The following WDR91 variants were observed in gnomAD, a reference collection of about 807,000 sequenced individuals.
WDR91 encodes the protein WD repeat domain 91.
WDR91 carries 52 observed loss-of-function variants against 88.4 expected under a neutral mutation model. That is an observed-to-expected ratio of 0.59 (90% CI 0.47 to 0.74). The LOEUF is 0.74. Ranked by LOEUF, WDR91 falls within the 30% of genes least tolerant of loss-of-function variation. The probability of loss-of-function intolerance (pLI) is 0.00; values close to 1 mark genes in which losing one functional copy is unlikely to be tolerated. For missense variants in WDR91, 824 were observed against 954.5 expected, an observed-to-expected ratio of 0.86 and a Z score of 1.80; for synonymous variants, 362 against 389.5, an observed-to-expected ratio of 0.93 and a Z score of 0.83.
intron 11 of WDR91, among the ~76,000 whole-genome samples, chr7:135,191,302 A>C (rs1381798731): frequency 6.6e-6 from 1 of 152,200 alleles, no homozygotes; most frequent in Non-Finnish European, 1.5e-5. Context: ...TGACATGATA[A>C]AGTAATTTTT....
intron 6 of WDR91, chr7:135,198,729 G>A (rs1387977288): frequency 6.6e-6 from 1 of 152,234 alleles, no homozygotes; most frequent in East Asian, 1.9e-4. Flanking sequence ...GGAATGTTAA[G>A]AAAGATAAAT....
Position 135,204,360 on chromosome 7 carries a change from G to A in WDR91, c.799C>T (p.Pro267Ser), listed in dbSNP as rs1562955808. Reference sequence around the variant, plus strand: ...CTTGAGGGGCTCTTCTTACTCTGAGGCAGCAGCGAGGACAGGAAGCCCACA... The same window carrying A: ...CTTGAGGGGCTCTTCTTACTCTGAGACAGCAGCGAGGACAGGAAGCCCACA... ...PRVGFLSSLL[P>S]QSKKSPSRLS... The change falls in exon 6 of 15, where the codon CCT becomes TCT. Residue 267 changes from proline to serine, a missense_variant. Physicochemically the swap from Pro to Ser is moderately conservative, Grantham distance 74. Coordinates refer to ENST00000354475, the MANE Select transcript of WDR91 (RefSeq NM_014149.4). The A allele has an allele frequency of 1.2e-6, 2 of 1,614,200 alleles. No homozygotes were observed. The highest frequency in any genetic ancestry group is 1.7e-6 in the Non-Finnish European group (2 of 1,180,036).
At chr7:135,190,523 A>C (rs887098435) in intron 11 of WDR91, among the ~76,000 whole-genome samples, 5 of 152,210 alleles carry the variant, frequency 3.3e-5, no homozygotes, top group Non-Finnish European at 4.4e-5. Flanking sequence ...GCCAGCACCC[A>C]CAGAGACAAC....
intron 11 of WDR91, among the ~76,000 whole-genome samples, chr7:135,192,114 T>TGTTTGG (rs56089432): frequency 7.1e-6 from 1 of 140,274 alleles, no homozygotes; most frequent in Non-Finnish European, 1.5e-5. Context: ...TTGTGTTTTT[T>TGTTTGG]TTTTTTTTTT....
At chr7:135,200,022 C>T (rs1373410144) in intron 6 of WDR91, 1 of 152,212 alleles carries the variant, frequency 6.6e-6, no homozygotes, top group Non-Finnish European at 1.5e-5. Context: ...AATGATAGGG[C>T]AGTTTACGCC....
At chr7:135,203,087 A>T (rs111748515) in intron 6 of WDR91, among the ~76,000 whole-genome samples, 2,643 of 152,302 alleles carry the variant, frequency 0.017, 78 homozygotes, top group African/African-American at 0.06. Context: ...CATCCCGAGC[A>T]AACTGGGGTG....
At chr7:135,211,267 G>A in intron 1 of WDR91, 113 bp downstream of exon 1, 1 of 1,434,332 alleles carries the variant, frequency 7.0e-7, no homozygotes, top group Non-Finnish European at 9.2e-7. Flanking sequence ...GGTCTCCGGC[G>A]CCCCGGCGCG....
In WDR91 at chr7:135,194,801, G is replaced by A. The variant is rs561859530; in HGVS notation, c.1395+133C>T. ...AGCCTTCTGGGCCAGTCCTGGATGT[G>A]TGTCCCTGAATCCCCAATAATGGAG... On this transcript the variant is annotated intron_variant, in intron 9 of 14. Transcript: ENST00000354475. 3 of 1,244,736 alleles carry A rather than the reference G, an allele frequency of 2.4e-6. No homozygotes were observed. The East Asian group carries it at 7.2e-5, about 30-fold the overall frequency. The allele number at this position is 1,244,736 out of a possible 1,614,324, so 77.1% of individuals were successfully genotyped here. A position where few individuals can be genotyped will look rare whatever the true frequency, so the allele number is the denominator to read the frequency against.
Position 135,209,751 on chromosome 7 carries a change from T to G in WDR91, c.128A>C (p.Asp43Ala), listed in dbSNP as rs777714997. ...KADKEKGFRVDKIVDQLQQLM... is the reference protein window; with the variant it reads ...KADKEKGFRVAKIVDQLQQLM... The stretch of plus-strand genomic sequence containing the variant: ...CTGCTGCAGCTGGTCCACAATCTTA[T>G]CCACCTGGCGAGAAACATGGATGGA... The change falls in exon 2 of 15, where the codon GAT (aspartate) becomes GCT (alanine). Residue 43 changes from aspartate (D) to alanine (A), a missense_variant. Physicochemically the swap from Asp to Ala is moderately radical, Grantham distance 126. Coordinates refer to ENST00000354475, the MANE Select transcript of WDR91 (RefSeq NM_014149.4). The G allele has an allele frequency of 2.5e-6, 4 of 1,589,470 alleles. No individual in the cohort carries two copies. The highest frequency in any genetic ancestry group is 3.4e-6 in the Non-Finnish European group (4 of 1,166,030).
chr7:135,209,044 TC>T, intron 2 of WDR91, 46 bp from the exon 3 acceptor site: 1 of 1,569,294 alleles, frequency 6.4e-7, no homozygotes, highest in Non-Finnish European at 8.7e-7. Context: ...GAGACAGAAA[TC>T]CAGAGGTAAG....
Position 135,205,956 on chromosome 7 carries a change from T to C in WDR91, c.697A>G (p.Asn233Asp). ...TCCGAGTCCCCCAGGCGGTCCATGT[T>C]GGAGACATAAGGAGGCAATTTGTGT... ...VQHKLPPYVS[N>D]MDRLGDSELA... is the part of the protein sequence containing the mutation. Residue 233 changes from asparagine to aspartate, a missense_variant, in exon 5 of 15, where the codon AAC (asparagine) becomes GAC (aspartate). Asn to Asp is a conservative substitution (Grantham distance 23, BLOSUM62 1). Coordinates refer to ENST00000354475, the MANE Select transcript of WDR91 (RefSeq NM_014149.4). The C allele has an allele frequency of 6.2e-7, 1 of 1,614,022 alleles. No individual in the cohort carries two copies. The highest frequency in any genetic ancestry group is 8.5e-7 in the Non-Finnish European group (1 of 1,180,040).
intron 5 of WDR91, among the ~76,000 whole-genome samples, chr7:135,205,670 G>A (rs184891679): frequency 1.6e-4 from 24 of 152,382 alleles, no homozygotes; most frequent in African/African-American, 5.5e-4. Flanking sequence ...TGAGGCAGGA[G>A]AGTCTCTTGA....
chr7:135,187,937 C>T (rs1005307947), intron 13 of WDR91, among the ~76,000 whole-genome samples: 2 of 152,248 alleles, frequency 1.3e-5, no homozygotes, highest in Non-Finnish European at 2.9e-5. Context: ...CCCATCTCTG[C>T]CCCTGCCAGC....
intron 1 of WDR91, chr7:135,209,964 C>T (rs1055957926): frequency 7.2e-6 from 3 of 416,470 alleles, no homozygotes; most frequent in Non-Finnish European, 1.3e-5. Context: ...CTAGCAAGCA[C>T]GGAAATTTCA....
At position 135,185,549 on chromosome 7, in the gene WDR91, A is replaced by G. The variant is rs1830904858; in HGVS notation, c.*602T>C. The G allele has an allele frequency of 6.6e-6, 1 of 152,360 alleles. No individual in the cohort carries two copies. Among genetic ancestry groups the G allele is most frequent in the East Asian group, 1.9e-4 (1 of 5,178 alleles). 9.4% of individuals were successfully genotyped at this position (152,360 alleles called of 1,614,324 possible). A position where few individuals can be genotyped will look rare whatever the true frequency, so the allele number is the denominator to read the frequency against. ...AGAATCTTCTGTAACAAAAGCTGCCAGCTTTCAGGGAAGAAAAAGAATTCT... is the reference window on the plus strand; with the variant it reads ...AGAATCTTCTGTAACAAAAGCTGCCGGCTTTCAGGGAAGAAAAAGAATTCT... On this transcript the variant is annotated 3_prime_UTR_variant, in exon 15 of 15. Transcript: ENST00000354475.
rs561376481 is a variant in WDR91 at position 135,184,630 on chromosome 7, G to C, written c.*1521C>G. The C allele has an allele frequency of 6.6e-6, 1 of 152,364 alleles. No individual in the cohort carries two copies. Among genetic ancestry groups the C allele is most frequent in the Non-Finnish European group, 1.5e-5 (1 of 68,160 alleles). The allele number at this position is 152,364 out of a possible 1,614,324, so 9.4% of individuals were successfully genotyped here. A position where few individuals can be genotyped will look rare whatever the true frequency, so the allele number is the denominator to read the frequency against. On this transcript the variant is annotated 3_prime_UTR_variant, in exon 15 of 15. Transcript: ENST00000354475. ...GAGGAGAGGGCAGGCCTCAGGCAGG[G>C]TGTGGACACAGCTGGTTGACACTCA...
chr7:135,200,043 T>G (rs1346909175), intron 6 of WDR91: 1 of 152,252 alleles, frequency 6.6e-6, no homozygotes, highest in East Asian at 1.9e-4. Context: ...AAGACAGTGA[T>G]GGACCTAAGC....
At chr7:135,208,489 A>T (rs539731872) in intron 3 of WDR91, among the ~76,000 whole-genome samples, 1 of 152,304 alleles carries the variant, frequency 6.6e-6, no homozygotes, top group South Asian at 2.1e-4. Context: ...TTCTCCAAGC[A>T]GCAGCTGCCT....
chr7:135,207,238 T>C (rs1368113785), intron 3 of WDR91, 36 bp from the exon 4 acceptor site: 20 of 1,564,458 alleles, frequency 1.3e-5, no homozygotes, highest in Non-Finnish European at 1.7e-5. Flanking sequence ...GCCCCTGAAA[T>C]GTTTAAACGT....
Sources: gnomAD v4.1 joint callset for allele counts (sites outside exome capture counted in the v4.1 genomes callset) on GRCh38, gnomAD v4.1.1 for gene constraint, MANE v1.5 for transcripts, NCBI Gene and HGNC (gene_info 2026-07-23, HGNC 2026-07-21) for gene names.